Variants in GLDN observed in about 807,000 individuals in gnomAD.
The protein encoded by GLDN is gliomedin, also known as collomin.
Under a neutral mutation model 56.5 loss-of-function variants are expected in GLDN, and 47 were observed. That is an observed-to-expected ratio of 0.83 (90% CI 0.66 to 1.06). The LOEUF is 1.06. Ranked by LOEUF, GLDN falls within the 50% of genes least tolerant of loss-of-function variation. The pLI is 0.00. For synonymous variants in GLDN, 332 were observed against 278.8 expected, an observed-to-expected ratio of 1.19 and a Z score of -1.90; for missense variants, 782 against 714.3, an observed-to-expected ratio of 1.09 and a Z score of -1.08.
chr15:51,379,090 G>A lies in GLDN; in HGVS notation c.415+1590G>A, dbSNP rs1029649811. On this transcript the variant is annotated intron_variant, in intron 2 of 9. Transcript: ENST00000335449. The stretch of plus-strand genomic sequence containing the variant: ...TCCCATTCCTCTTCCTTGCCCAGCT[G>A]TTGCTGCTACGGCAGTCAGGACAGA... 3.9e-5 allele frequency among the ~76,000 whole-genome samples: 6 copies of A among 152,234 alleles called. No homozygotes were observed. The East Asian group carries it at 9.6e-4, about 24-fold the overall frequency.
intron 1 of GLDN, among the ~76,000 whole-genome samples, chr15:51,374,486 T>A (rs1345627207): frequency 6.6e-6 from 1 of 152,228 alleles, no homozygotes; most frequent in Admixed American, 6.5e-5. Context: ...TCAGGAAACC[T>A]GGAGTTCAGT....
chr15:51,362,420 C>T (rs560252862), intron 1 of GLDN, among the ~76,000 whole-genome samples: 3 of 148,140 alleles, frequency 2.0e-5, no homozygotes, highest in Non-Finnish European at 3.0e-5. Context: ...GGGAGGCAGA[C>T]GTTGCAGTGA....
At chr15:51,400,131 A>G in intron 6 of GLDN, 61 bp from the exon 7 acceptor site, 1 of 1,428,168 alleles carries the variant, frequency 7.0e-7, no homozygotes, top group Non-Finnish European at 9.9e-7. Context: ...GCAGCTATAA[A>G]GTCCAACAAA....
intron 4 of GLDN, among the ~76,000 whole-genome samples, chr15:51,393,572 C>G (rs2141119642): frequency 6.6e-6 from 1 of 152,336 alleles, no homozygotes; most frequent in African/African-American, 2.4e-5. Context: ...TCAAGGGAGC[C>G]CTCTGCAGAT....
chr15:51,380,333 C>A (rs1047832808), intron 2 of GLDN, among the ~76,000 whole-genome samples: 1 of 152,202 alleles, frequency 6.6e-6, no homozygotes, highest in African/African-American at 2.4e-5. Flanking sequence ...AGGACACCAG[C>A]CCTGCATGCA....
intron 1 of GLDN, among the ~76,000 whole-genome samples, chr15:51,362,680 T>G (rs771213716): frequency 1.3e-5 from 2 of 152,134 alleles, no homozygotes; most frequent in Non-Finnish European, 2.9e-5. Flanking sequence ...TGAATCACTC[T>G]GACTTCTCAA....
At chr15:51,364,692 T>A (rs371592110) in intron 1 of GLDN, among the ~76,000 whole-genome samples, 1 of 152,370 alleles carries the variant, frequency 6.6e-6, no homozygotes, top group South Asian at 2.1e-4. Flanking sequence ...AATAGCCATT[T>A]TATTGTCTTT....
chr15:51,401,813 T>C (rs886666168), intron 9 of GLDN, 70 bp downstream of exon 9: 1 of 1,408,566 alleles, frequency 7.1e-7, no homozygotes, highest in African/African-American at 1.4e-5. Context: ...TTGTGAGCAA[T>C]TAGGGGTAGG....
At chr15:51,393,211 G>A (rs2038057638) in intron 4 of GLDN, among the ~76,000 whole-genome samples, 1 of 152,166 alleles carries the variant, frequency 6.6e-6, no homozygotes, top group Non-Finnish European at 1.5e-5. Context: ...CTAATATGCT[G>A]AGTTACATGA....
chr15:51,384,190 T>C (rs1014325796), intron 4 of GLDN: 1 of 389,012 alleles, frequency 2.6e-6, no homozygotes. Flanking sequence ...GGAGGGGCAT[T>C]CTGTGGGCCG....
At chr15:51,391,862 G>A (rs548826041) in intron 4 of GLDN, among the ~76,000 whole-genome samples, 15 of 152,176 alleles carry the variant, frequency 9.9e-5, no homozygotes, top group South Asian at 2.1e-4. Context: ...ACGGGCAGCC[G>A]CCACCCAAGC....
At chr15:51,386,599 A>G (rs973612637) in intron 4 of GLDN, among the ~76,000 whole-genome samples, 3 of 152,218 alleles carry the variant, frequency 2.0e-5, no homozygotes, top group Non-Finnish European at 4.4e-5. Context: ...CTGCTTCTCT[A>G]AATGCTGCTG....
chr15:51,369,363 A>G (rs2141075703), intron 1 of GLDN, among the ~76,000 whole-genome samples: 1 of 152,382 alleles, frequency 6.6e-6, no homozygotes. Flanking sequence ...AAGTTACAAA[A>G]TAGATCAGAC....
At chr15:51,356,075 T>C (rs562224052) in intron 1 of GLDN, among the ~76,000 whole-genome samples, 3 of 151,280 alleles carry the variant, frequency 2.0e-5, no homozygotes, top group South Asian at 2.1e-4. Context: ...GGCGTGGTGG[T>C]GCGTGCCCGT....
At chr15:51,393,604 C>T (rs2038065468) in intron 4 of GLDN, among the ~76,000 whole-genome samples, 1 of 152,224 alleles carries the variant, frequency 6.6e-6, no homozygotes. Flanking sequence ...TTTCACGCAG[C>T]TGTCTCCTCT....
intron 1 of GLDN, among the ~76,000 whole-genome samples, chr15:51,345,630 C>G (rs957335325): frequency 6.6e-6 from 1 of 152,114 alleles, no homozygotes; most frequent in South Asian, 2.1e-4. Context: ...GTGTCTCACC[C>G]CCAAAACTAT....
At chr15:51,370,374 G>C (rs895575014) in intron 1 of GLDN, among the ~76,000 whole-genome samples, 1 of 152,126 alleles carries the variant, frequency 6.6e-6, no homozygotes, top group Non-Finnish European at 1.5e-5. Flanking sequence ...TGTTTACCCA[G>C]GGCAGCTCCA....
Position 51,341,717 on chromosome 15 carries a change from C to T in GLDN, c.33C>T (p.Asp11=), listed in dbSNP as rs1386509110. The T allele has an allele frequency of 5.6e-6, 8 of 1,430,538 alleles. No homozygotes were observed. Among genetic ancestry groups the T allele is most frequent in the Non-Finnish European group, 7.2e-6 (8 of 1,106,838 alleles). The allele number at this position is 1,430,538 out of a possible 1,614,324, so 88.6% of individuals were successfully genotyped here. MARGAEGGRG[D]AGWGLRGALA... is the part of the protein sequence containing the mutation. ...GAGGCGCTGAGGGAGGCCGTGGGGA[C>T]GCGGGTTGGGGCCTGCGTGGCGCCC... Residue 11 remains aspartate, a synonymous_variant, in exon 1 of 10, where the codon GAC becomes GAT. Transcript: ENST00000335449.
At chr15:51,362,566 G>A (rs749686239) in intron 1 of GLDN, among the ~76,000 whole-genome samples, 21 of 152,060 alleles carry the variant, frequency 1.4e-4, no homozygotes, top group Non-Finnish European at 2.5e-4. Context: ...CAAGAGACCA[G>A]TTCATGTAGA....
Sources: allele counts gnomAD v4.1 joint callset (sites outside exome capture counted in the v4.1 genomes callset), GRCh38; gene constraint gnomAD v4.1.1; transcripts MANE v1.5; gene names NCBI Gene and HGNC (gene_info 2026-07-23, HGNC 2026-07-21).